The following NMD3 variants were observed in gnomAD, a reference collection of about 807,000 sequenced individuals.
NMD3 encodes the protein NMD3 ribosome export adaptor.
Under a neutral mutation model 73.1 loss-of-function variants are expected in NMD3, and 47 were observed. That is an observed-to-expected ratio of 0.64 (90% CI 0.51 to 0.82). The LOEUF is 0.82. Among genes scored for constraint, NMD3 ranks in the 40% least tolerant of loss-of-function variants. The pLI, the probability that NMD3 is intolerant of heterozygous loss-of-function variation, is 0.00. For synonymous variants in NMD3, 210 were observed against 194.5 expected, an observed-to-expected ratio of 1.08 and a Z score of -0.66; for missense variants, 554 against 612.5, an observed-to-expected ratio of 0.90 and a Z score of 1.01.
At chr3:161,223,753 T>TA (rs1261806925) in intron 2 of NMD3, among the ~76,000 whole-genome samples, 1 of 152,230 alleles carries the variant, frequency 6.6e-6, no homozygotes. Context: ...AGAGACAAAC[T>TA]GATCTTACAT....
intron 13 of NMD3, 51 bp from the exon 14 acceptor site, chr3:161,249,403 C>A: frequency 8.4e-7 from 1 of 1,195,230 alleles, no homozygotes; most frequent in Non-Finnish European, 1.2e-6. Flanking sequence ...ATTTTGTGGC[C>A]TCACTGTATA....
intron 10 of NMD3, 21 bp from the exon 11 acceptor site, chr3:161,242,487 G>A (rs189245265): frequency 5.6e-6 from 9 of 1,597,960 alleles, no homozygotes; most frequent in Non-Finnish European, 1.7e-6. Flanking sequence ...TTATGTTTTT[G>A]TGTTCTATCC....
intron 7 of NMD3, among the ~76,000 whole-genome samples, chr3:161,236,537 A>G (rs1736764273): frequency 6.6e-6 from 1 of 152,128 alleles, no homozygotes; most frequent in Admixed American, 6.5e-5. Flanking sequence ...TATATTCTTA[A>G]TGGTGTCCTT....
At chr3:161,247,446 G>T in intron 13 of NMD3, 116 bp downstream of exon 13, 1 of 570,534 alleles carries the variant, frequency 1.8e-6, no homozygotes, top group Non-Finnish European at 3.0e-6. Context: ...AGAGATTTCT[G>T]AAACTGCAGA....
At chr3:161,229,093 G>A (rs1464083680) in intron 4 of NMD3, among the ~76,000 whole-genome samples, 3 of 152,140 alleles carry the variant, frequency 2.0e-5, no homozygotes, top group South Asian at 2.1e-4. Context: ...TGAATAGAAC[G>A]GAGTGGTGAG....
At chr3:161,224,878 T>A in intron 2 of NMD3, 52 bp from the exon 3 acceptor site, 1 of 1,515,704 alleles carries the variant, frequency 6.6e-7, no homozygotes, top group African/African-American at 1.4e-5. Context: ...AAAAAAAAAT[T>A]TAGTGTATTT....
intron 7 of NMD3, among the ~76,000 whole-genome samples, chr3:161,236,033 TTTAA>T (rs1483884057): frequency 1.3e-5 from 2 of 152,238 alleles, no homozygotes; most frequent in East Asian, 1.9e-4. Flanking sequence ...TCTGTTTTGT[TTTAA>T]TTAATTGAAA....
At chr3:161,244,162 G>A (rs1737100849) in intron 11 of NMD3, among the ~76,000 whole-genome samples, 1 of 152,110 alleles carries the variant, frequency 6.6e-6, no homozygotes, top group Admixed American at 6.6e-5. Context: ...ACATGATCTT[G>A]CCGTGTTGTT....
At position 161,229,490 on chromosome 3, in the gene NMD3, G is replaced by A. The variant is rs148167870; in HGVS notation, c.276+2147G>A. 3.9e-5 allele frequency among the ~76,000 whole-genome samples: 6 copies of A among 152,302 alleles called. No homozygotes were observed. The East Asian group carries it at 1.2e-3, about 29-fold the overall frequency. ...GTGACCTGAGCAGCCAAGTCACTGGGTAGGGGGCATGAGAGTTCATCTGTA... is the reference window on the plus strand; with the variant it reads ...GTGACCTGAGCAGCCAAGTCACTGGATAGGGGGCATGAGAGTTCATCTGTA... On this transcript the variant is annotated intron_variant, in intron 4 of 15. Transcript: ENST00000351193.
intron 2 of NMD3, 142 bp from the exon 3 acceptor site, chr3:161,224,788 G>A (rs1736242508): frequency 9.3e-6 from 7 of 756,682 alleles, no homozygotes; most frequent in Non-Finnish European, 1.4e-5. Context: ...GCTGGCCCAG[G>A]TTGCTTTGTT....
intron 9 of NMD3, 31 bp downstream of exon 9, chr3:161,238,857 G>C: frequency 3.9e-6 from 4 of 1,032,412 alleles, no homozygotes; most frequent in East Asian, 2.5e-5. Flanking sequence ...ATCCATATCT[G>C]TAAAAGAGTA....
chr3:161,252,277 G>A lies in NMD3; in HGVS notation c.*1367G>A, dbSNP rs1199139897. ...AGATATTTTAAAGCATGAAAATAAA[G>A]CCATTCTTGCCCTTTTTCGTGTGTT... On this transcript the variant is annotated 3_prime_UTR_variant, in exon 16 of 16. Coordinates refer to ENST00000351193, the MANE Select transcript of NMD3 (RefSeq NM_015938.5). The A allele has an allele frequency of 2.0e-5, 3 of 152,118 alleles. No individual in the cohort carries two copies. Among genetic ancestry groups the A allele is most frequent in the Admixed American group, 1.3e-4 (2 of 15,272 alleles). 9.4% of individuals were successfully genotyped at this position (152,118 alleles called of 1,614,324 possible). A position where few individuals can be genotyped will look rare whatever the true frequency, so the allele number is the denominator to read the frequency against.
rs11344126 is a variant in NMD3 at position 161,238,094 on chromosome 3, CTTTT to C, written c.578-7_578-4del. 388 of 1,395,770 alleles carry C rather than the reference CTTTT, an allele frequency of 2.8e-4. No individual in the cohort carries two copies. Among genetic ancestry groups the C allele is most frequent in the East Asian group, 5.0e-4 (21 of 42,206 alleles). 86.5% of individuals were successfully genotyped at this position (1,395,770 alleles called of 1,614,324 possible). Reference sequence around the variant, plus strand: ...ATTTTGCATAATTATTTTCATAGGGCTTTTTTTTTTTTTTTAAGATGGTCTGGAT... The same window carrying C: ...ATTTTGCATAATTATTTTCATAGGGCTTTTTTTTTTTAAGATGGTCTGGAT... On this transcript the variant is annotated splice_polypyrimidine_tract_variant and intron_variant, in intron 7 of 15. Coordinates refer to ENST00000351193, the MANE Select transcript of NMD3 (RefSeq NM_015938.5).
chr3:161,230,160 G>A (rs1380757771), intron 4 of NMD3, among the ~76,000 whole-genome samples: 3 of 152,084 alleles, frequency 2.0e-5, no homozygotes, highest in African/African-American at 4.8e-5. Flanking sequence ...GTGCAGTGGC[G>A]CTGTCATGTC....
At chr3:161,222,908 C>G (rs1223364295) in intron 2 of NMD3, 3 of 152,248 alleles carry the variant, frequency 2.0e-5, no homozygotes, top group Non-Finnish European at 4.4e-5. Flanking sequence ...TTACTCTTCC[C>G]TTGTCCATCA....
At chr3:161,240,761 T>C (rs1039994860) in intron 9 of NMD3, among the ~76,000 whole-genome samples, 2 of 151,878 alleles carry the variant, frequency 1.3e-5, no homozygotes, top group African/African-American at 4.8e-5. Flanking sequence ...CTTGAACTCC[T>C]GGGCTCAAGG....
intron 3 of NMD3, 120 bp downstream of exon 3, chr3:161,225,184 T>G (rs1420111923): frequency 8.9e-7 from 1 of 1,118,462 alleles, no homozygotes; most frequent in Non-Finnish European, 1.2e-6. Flanking sequence ...AAGGTTTAAA[T>G]TTTCTGTTGG....
Position 161,238,733 on chromosome 3 carries a change from C to A in NMD3, c.660C>A (p.Tyr220Ter), listed in dbSNP as rs751737441. 1.9e-5 allele frequency: 28 copies of A among 1,486,376 alleles called. No homozygotes were observed. The highest frequency in any genetic ancestry group is 2.5e-5 in the Non-Finnish European group (27 of 1,066,836). The allele number at this position is 1,486,376 out of a possible 1,614,324, so 92.1% of individuals were successfully genotyped here. A position where few individuals can be genotyped will look rare whatever the true frequency, so the allele number is the denominator to read the frequency against. Residue 220 changes from tyrosine (Y) to a stop codon, truncating the protein, a stop_gained, in exon 9 of 16, where the codon TAC (tyrosine) becomes TAA (stop). Coordinates refer to ENST00000351193, the MANE Select transcript of NMD3 (RefSeq NM_015938.5). LOFTEE classifies it high-confidence loss of function. ...EFLQCTVPCR[Y>*]KASQRLISQD... is the part of the protein sequence containing the mutation. ...CTACTAACTTTTTTCTTAATAGATA[C>A]AAAGCATCACAAAGACTGATCTCTC...
chr3:161,245,895 G>A (rs979941477), intron 11 of NMD3, among the ~76,000 whole-genome samples: 4 of 152,044 alleles, frequency 2.6e-5, no homozygotes, highest in African/African-American at 7.2e-5. Flanking sequence ...TTTCTAGGCT[G>A]TTTTGTCTGG....
Sources: allele counts gnomAD v4.1 joint callset (sites outside exome capture counted in the v4.1 genomes callset), GRCh38; gene constraint gnomAD v4.1.1; transcripts MANE v1.5; gene names NCBI Gene and HGNC (gene_info 2026-07-23, HGNC 2026-07-21).